The following SLC38A8 variants were observed in gnomAD, a reference collection of about 807,000 sequenced individuals.
The protein encoded by SLC38A8 is amino acid transporter SLC38A8.
A neutral mutation model predicts 46.0 loss-of-function variants in SLC38A8; 65 were observed. The ratio of observed to expected loss-of-function variants is 1.41; its 90% CI spans 1.16 to 1.74. SLC38A8 has a LOEUF of 1.74. Among genes scored for constraint, SLC38A8 ranks in the 40% most tolerant of loss-of-function variants. The pLI is 0.00. For missense variants in SLC38A8, 998 were observed against 567.9 expected (o/e 1.76, Z -7.70); for synonymous variants, 447 against 243.7 (o/e 1.83, Z -7.77).
chr16:84,020,677 G>A (rs1189289693), intron 7 of SLC38A8, among the ~76,000 whole-genome samples: 6 of 152,220 alleles, frequency 3.9e-5, no homozygotes, highest in African/African-American at 1.2e-4. Flanking sequence ...AGGATAGCCT[G>A]TGGAGGCACC....
intron 6 of SLC38A8, among the ~76,000 whole-genome samples, chr16:84,027,035 T>C (rs2085172509): frequency 6.6e-6 from 1 of 152,224 alleles, no homozygotes; most frequent in African/African-American, 2.4e-5. Context: ...ATGCATCCTA[T>C]CTCAATAAAG....
intron 3 of SLC38A8, among the ~76,000 whole-genome samples, chr16:84,035,365 G>A (rs1167724787): frequency 2.6e-5 from 4 of 152,098 alleles, no homozygotes; most frequent in South Asian, 4.2e-4. Flanking sequence ...CCCCAGTCAG[G>A]GGCCTTTTGC....
At chr16:84,015,228 C>T (rs1390540580) in intron 9 of SLC38A8, among the ~76,000 whole-genome samples, 1 of 152,160 alleles carries the variant, frequency 6.6e-6, no homozygotes, top group Non-Finnish European at 1.5e-5. Flanking sequence ...CACTGCGGAT[C>T]TGGAGTCTCT....
intron 7 of SLC38A8, among the ~76,000 whole-genome samples, chr16:84,021,337 T>C (rs2085093572): frequency 6.6e-6 from 1 of 152,218 alleles, no homozygotes; most frequent in South Asian, 2.1e-4. Context: ...AGTGCTGCGA[T>C]GACAGGAGTG....
intron 2 of SLC38A8, among the ~76,000 whole-genome samples, chr16:84,038,876 A>G (rs1437053214): frequency 6.6e-6 from 1 of 152,238 alleles, no homozygotes; most frequent in African/African-American, 2.4e-5. Context: ...CATTGTCTGA[A>G]TAGATCACAA....
intron 6 of SLC38A8, among the ~76,000 whole-genome samples, chr16:84,025,424 C>T (rs760249832): frequency 5.3e-5 from 8 of 152,186 alleles, no homozygotes; most frequent in Non-Finnish European, 7.4e-5. Context: ...GGAGCCCTCC[C>T]GAGTGGGCTG....
At position 84,009,744 on chromosome 16, in the gene SLC38A8, G is replaced by A; in HGVS notation, c.*40C>T. On this transcript the variant is annotated 3_prime_UTR_variant, in exon 11 of 11. Coordinates refer to ENST00000299709, the MANE Select transcript of SLC38A8 (RefSeq NM_001080442.3). ...TGCATACAGCAGCCACGTAGGGTCA[G>A]CCCCCGGAGGGCCCCTTCCTGCCCG... The A allele has an allele frequency of 1.3e-6, 2 of 1,579,120 alleles. No homozygotes were observed. The highest frequency in any genetic ancestry group is 1.7e-6 in the Non-Finnish European group (2 of 1,155,142).
At chr16:84,036,499 G>T (rs920955052) in intron 3 of SLC38A8, among the ~76,000 whole-genome samples, 1 of 152,238 alleles carries the variant, frequency 6.6e-6, no homozygotes, top group Admixed American at 6.5e-5. Context: ...TCATGCACTT[G>T]TGTGCCCATG....
intron 3 of SLC38A8, among the ~76,000 whole-genome samples, chr16:84,035,840 T>A (rs1431982464): frequency 6.6e-6 from 1 of 152,252 alleles, no homozygotes; most frequent in East Asian, 1.9e-4. Context: ...GCTGGCGATT[T>A]TAACATCCTT....
chr16:84,016,937 C>T (rs537503657), intron 8 of SLC38A8, among the ~76,000 whole-genome samples: 4 of 152,312 alleles, frequency 2.6e-5, no homozygotes, highest in African/African-American at 4.8e-5. Flanking sequence ...GCACGTGGTT[C>T]GCATTCCAGT....
In SLC38A8 at chr16:84,037,380, C is replaced by G. The variant is rs542654932; in HGVS notation, c.190-480G>C. 1.2e-4 allele frequency among the ~76,000 whole-genome samples: 17 copies of G among 146,722 alleles called. No homozygotes were observed. In the South Asian group the frequency reaches 3.3e-3, roughly 29 times the overall value. ...TTTTCCATCTGTGAAATGGGGGCGG[C>G]ACCGCCCCCTTGCAGGGGTGCTGCT... On this transcript the variant is annotated intron_variant, in intron 2 of 10. Transcript: ENST00000299709.
At position 84,022,751 on chromosome 16, in the gene SLC38A8, AG is replaced by A. The variant is rs1347408757; in HGVS notation, c.805+23del. 1.9e-6 allele frequency: 3 copies of A among 1,591,590 alleles called. 1 individual carries two copies. Among genetic ancestry groups the A allele is most frequent in the Middle Eastern group, 3.3e-4 (2 of 6,022 alleles). ...TCTACTGTCACTCCCCACCCTCTGCAGGGGTGCCTGGGAAGGGCCTTACCCG... is the reference window on the plus strand; with the variant it reads ...TCTACTGTCACTCCCCACCCTCTGCAGGGTGCCTGGGAAGGGCCTTACCCG... On this transcript the variant is annotated intron_variant, in intron 7 of 10. Transcript: ENST00000299709.
chr16:84,032,901 GGTGGGTGAGCATGGGTGGGTGTGGGTAC>G (rs67636943), intron 4 of SLC38A8, among the ~76,000 whole-genome samples: 30,086 of 147,466 alleles, frequency 0.2, 4,163 homozygotes, highest in East Asian at 0.34. Context: ...TGCATGTGTG[GGTGGGTGAGCATGGGTGGGTGTGGGTAC>G]GTGGGTGTGC....
rs570248236 is a variant in SLC38A8, at chr16:84,028,824, G to A, written c.690+670C>T. Among the ~76,000 whole-genome samples, 19 of 152,066 alleles carry A rather than the reference G, an allele frequency of 1.2e-4. No individual in the cohort carries two copies. In the South Asian group the frequency reaches 2.9e-3, roughly 23 times the overall value. On this transcript the variant is annotated intron_variant, in intron 6 of 10. Transcript: ENST00000299709. ...CCACCTGTGCTGTCCTCTCTACCTG[G>A]GGTGCGCTTCCAGTCACCTGGCTGC...
At chr16:84,016,480 GAAC>G in intron 9 of SLC38A8, 36 bp downstream of exon 9, 8 of 1,604,104 alleles carry the variant, frequency 5.0e-6, no homozygotes, top group Non-Finnish European at 6.8e-6. Context: ...GAGCAGGGAA[GAAC>G]AAGTGGGCAG....
chr16:84,018,803 G>T (rs1185440233), intron 7 of SLC38A8, among the ~76,000 whole-genome samples: 2 of 152,172 alleles, frequency 1.3e-5, no homozygotes, highest in African/African-American at 4.8e-5. Flanking sequence ...ATCTGACAAG[G>T]AATGACAAGA....
chr16:84,027,048 A>G (rs2085172636), intron 6 of SLC38A8, among the ~76,000 whole-genome samples: 1 of 152,154 alleles, frequency 6.6e-6, no homozygotes, highest in African/African-American at 2.4e-5. Flanking sequence ...CAATAAAGAT[A>G]TTTTTTAAAA....
At chr16:84,027,276 G>A (rs1404628035) in intron 6 of SLC38A8, among the ~76,000 whole-genome samples, 1 of 152,230 alleles carries the variant, frequency 6.6e-6, no homozygotes, top group African/African-American at 2.4e-5. Context: ...CTTGAACCCA[G>A]GAGGCGGAGG....
rs375811064 is a variant in SLC38A8, at chr16:84,022,928, C to A, written c.691-39G>T. On this transcript the variant is annotated intron_variant, in intron 6 of 10. Transcript: ENST00000299709. ...GGCGGCTCAGCAGGATGCTGGCTTC[C>A]CCTGGAACAGGCGATGCGAAAAAAA... 4.9e-5 allele frequency: 73 copies of A among 1,476,636 alleles called. No homozygotes were observed. In the African/African-American group the frequency reaches 1.0e-3, roughly 20 times the overall value. 91.5% of individuals were successfully genotyped at this position (1,476,636 alleles called of 1,614,324 possible). A position where few individuals can be genotyped will look rare whatever the true frequency, so the allele number is the denominator to read the frequency against.
Sources: allele counts gnomAD v4.1 joint callset (sites outside exome capture counted in the v4.1 genomes callset), GRCh38; gene constraint gnomAD v4.1.1; transcripts MANE v1.5; gene names NCBI Gene and HGNC (gene_info 2026-07-23, HGNC 2026-07-21).